Variants in EGFR observed in about 807,000 individuals in gnomAD.
EGFR encodes epidermal growth factor receptor.
EGFR carries 58 observed loss-of-function variants against 143.0 expected under a neutral mutation model. The ratio of observed to expected loss-of-function variants is 0.41; its 90% CI spans 0.33 to 0.50. The LOEUF (loss-of-function observed/expected upper bound fraction) is 0.50, where lower values mean the gene tolerates loss of function less well. Ranked by LOEUF, EGFR falls within the 20% of genes least tolerant of loss-of-function variation. The pLI, the probability that EGFR is intolerant of heterozygous loss-of-function variation, is 0.39. For missense variants in EGFR, 1,307 were observed against 1,579.0 expected (o/e 0.83, Z 2.92); for synonymous variants, 613 against 594.4 (o/e 1.03, Z -0.45).
Position 55,165,387 on chromosome 7 carries a change from C to T in EGFR, c.1830C>T (p.Tyr610=), listed in dbSNP as rs115350205. ...MGENNTLVWK[Y]ADAGHVCHLC... is the part of the protein sequence containing the mutation. ...AAAACAACACCCTGGTCTGGAAGTA[C>T]GCAGACGCCGGCCATGTGTGCCACC... Residue 610 remains tyrosine (Y), a synonymous_variant, in exon 15 of 28, where the codon TAC becomes TAT. Coordinates refer to ENST00000275493, the MANE Select transcript of EGFR (RefSeq NM_005228.5). 9.7e-4 allele frequency: 1,562 copies of T among 1,614,144 alleles called. 19 individuals are homozygous for T. The African/African-American group carries it at 0.017, about 18-fold the overall frequency.
intron 1 of EGFR, among the ~76,000 whole-genome samples, chr7:55,139,942 A>G (rs1794365964): frequency 6.6e-6 from 1 of 152,084 alleles, no homozygotes; most frequent in South Asian, 2.1e-4. Context: ...ATACATGCTA[A>G]TTGTAGACAA....
At position 55,205,531 on chromosome 7, in the gene EGFR, C is replaced by A. The variant is rs199661469; in HGVS notation, c.3547C>A (p.Pro1183Thr). Reference sequence around the variant, plus strand: ...GGACTTCTTTCCCAAGGAAGCCAAGCCAAATGGCATCTTTAAGGGCTCCAC... The same window carrying A: ...GGACTTCTTTCCCAAGGAAGCCAAGACAAATGGCATCTTTAAGGGCTCCAC... ...QQDFFPKEAK[P>T]NGIFKGSTAE... The change falls in exon 28 of 28, where the codon CCA (proline) becomes ACA (threonine). Residue 1183 changes from proline (P) to threonine (T), a missense_variant. By Grantham distance (38) the Pro-to-Thr change is conservative (BLOSUM62 -1). This residue lies in a region of EGFR where 313 missense variants were observed against 312.3 expected (regional missense o/e 1.00). Coordinates refer to ENST00000275493, the MANE Select transcript of EGFR (RefSeq NM_005228.5). 31 of 1,614,084 alleles carry A rather than the reference C, an allele frequency of 1.9e-5. 2 individuals carry two copies. The South Asian group carries it at 3.3e-4, about 17-fold the overall frequency.
intron 27 of EGFR, among the ~76,000 whole-genome samples, chr7:55,204,880 T>G (rs1788047064): frequency 7.4e-6 from 1 of 134,832 alleles, no homozygotes; most frequent in Non-Finnish European, 1.6e-5. Context: ...CATACAAATA[T>G]ACACCACACA....
chr7:55,023,966 C>T (rs921753055), intron 1 of EGFR, among the ~76,000 whole-genome samples: 2 of 152,178 alleles, frequency 1.3e-5, no homozygotes, highest in African/African-American at 4.8e-5. Context: ...CTCCATTGGG[C>T]CCATAGGCAC....
chr7:55,081,651 C>G (rs562978764), intron 1 of EGFR, among the ~76,000 whole-genome samples: 9 of 152,248 alleles, frequency 5.9e-5, no homozygotes, highest in African/African-American at 2.2e-4. Flanking sequence ...CCCACTAACC[C>G]TGGGCGAGGA....
intron 18 of EGFR, among the ~76,000 whole-genome samples, chr7:55,174,245 C>A (rs1786490220): frequency 6.6e-6 from 1 of 152,206 alleles, no homozygotes; most frequent in Non-Finnish European, 1.5e-5. Flanking sequence ...TCCTGTGAGA[C>A]CAATTCACAG....
At chr7:55,023,615 C>A (rs909041821) in intron 1 of EGFR, among the ~76,000 whole-genome samples, 1 of 141,816 alleles carries the variant, frequency 7.1e-6, no homozygotes, top group Non-Finnish European at 1.5e-5. Context: ...CGCACCATTG[C>A]ACTCCAGCCC....
intron 13 of EGFR, among the ~76,000 whole-genome samples, chr7:55,162,034 A>G (rs1021187376): frequency 1.3e-5 from 2 of 152,242 alleles, no homozygotes; most frequent in African/African-American, 4.8e-5. Flanking sequence ...AACACAAATT[A>G]TATTGCCAAG....
intron 24 of EGFR, 82 bp from the exon 25 acceptor site, chr7:55,201,106 C>T (rs1787826737): frequency 3.2e-6 from 5 of 1,579,324 alleles, no homozygotes; most frequent in Non-Finnish European, 3.5e-6. Flanking sequence ...CACCTGCTGG[C>T]AATAGACCCC....
intron 1 of EGFR, among the ~76,000 whole-genome samples, chr7:55,042,719 A>G (rs568419020): frequency 7.5e-4 from 114 of 152,248 alleles, no homozygotes; most frequent in Non-Finnish European, 1.0e-3. Context: ...GAATCAAAAG[A>G]AATCTCTGAG....
At chr7:55,199,658 G>A (rs1038666991) in intron 23 of EGFR, among the ~76,000 whole-genome samples, 10 of 152,362 alleles carry the variant, frequency 6.6e-5, no homozygotes, top group Non-Finnish European at 1.2e-4. Context: ...CAAGAGGCAT[G>A]AGGATTTCCA....
chr7:55,088,317 G>T (rs17172440), intron 1 of EGFR, among the ~76,000 whole-genome samples: 29,113 of 152,102 alleles, frequency 0.19, 3,197 homozygotes, highest in African/African-American at 0.28. Context: ...AGAGTGCACA[G>T]TCCAGTCTAT....
At chr7:55,048,086 C>A (rs1332320670) in intron 1 of EGFR, among the ~76,000 whole-genome samples, 2 of 152,026 alleles carry the variant, frequency 1.3e-5, no homozygotes, top group Non-Finnish European at 2.9e-5. Context: ...AGTATATGTA[C>A]ATTACATTAA....
intron 1 of EGFR, among the ~76,000 whole-genome samples, chr7:55,094,857 C>A (rs560198018): frequency 4.6e-5 from 7 of 152,126 alleles, no homozygotes; most frequent in Non-Finnish European, 7.4e-5. Flanking sequence ...TTCTTAAAAC[C>A]TAGAAAGACC....
At chr7:55,181,135 C>T (rs1037093309) in intron 19 of EGFR, 158 bp from the exon 20 acceptor site, 2 of 912,332 alleles carry the variant, frequency 2.2e-6, no homozygotes, top group Non-Finnish European at 1.7e-6. Flanking sequence ...GCGTAAACGT[C>T]CCTGTGCTAG....
At chr7:55,029,812 G>A (rs559012950) in intron 1 of EGFR, among the ~76,000 whole-genome samples, 1 of 152,192 alleles carries the variant, frequency 6.6e-6, no homozygotes, top group South Asian at 2.1e-4. Flanking sequence ...TAAACTAGAC[G>A]ATCGTCAGAC....
At chr7:55,077,723 A>T (rs1790211765) in intron 1 of EGFR, among the ~76,000 whole-genome samples, 1 of 152,178 alleles carries the variant, frequency 6.6e-6, no homozygotes, top group Non-Finnish European at 1.5e-5. Context: ...CTCATGGAAG[A>T]GCGGGAGGCT....
chr7:55,116,360 C>A (rs1792843129), intron 1 of EGFR, among the ~76,000 whole-genome samples: 1 of 152,214 alleles, frequency 6.6e-6, no homozygotes, highest in Non-Finnish European at 1.5e-5. Flanking sequence ...CCAAGCACCC[C>A]ACTTTTTGCA....
intron 1 of EGFR, among the ~76,000 whole-genome samples, chr7:55,103,103 C>T (rs534604702): frequency 1.9e-4 from 29 of 152,306 alleles, no homozygotes; most frequent in African/African-American, 6.7e-4. Flanking sequence ...TATCTTTTTG[C>T]ATCAGAACTC....
Sources: allele counts gnomAD v4.1 joint callset (sites outside exome capture counted in the v4.1 genomes callset), GRCh38; gene constraint gnomAD v4.1.1; regional missense constraint gnomAD v4.1.1; transcripts MANE v1.5; gene names NCBI Gene and HGNC (gene_info 2026-07-23, HGNC 2026-07-21).